The following COL14A1 variants were observed in gnomAD, a reference collection of about 807,000 sequenced individuals.
The protein encoded by COL14A1 is collagen type XIV alpha 1 chain, also known as collagen alpha-1(XIV) chain.
Under a neutral mutation model 230.3 loss-of-function variants are expected in COL14A1, and 136 were observed. The observed-to-expected ratio is 0.59, with a 90% CI of 0.51 to 0.68. The LOEUF (loss-of-function observed/expected upper bound fraction) is 0.68, where lower values mean the gene tolerates loss of function less well. COL14A1 is among the 30% of genes least tolerant of loss of function. COL14A1 has a pLI of 0.00. For synonymous variants in COL14A1, 792 were observed against 784.1 expected (o/e 1.01, Z -0.17); for missense variants, 1,976 against 2,215.8 (o/e 0.89, Z 2.17).
chr8:120,161,767 G>A (rs570479909), intron 3 of COL14A1, among the ~76,000 whole-genome samples: 45 of 152,150 alleles, frequency 3.0e-4, no homozygotes, highest in Admixed American at 2.4e-3. Context: ...GGGTTCAAAC[G>A]ATTGTCCTGC....
At chr8:120,314,408 A>G (rs1374982370) in intron 38 of COL14A1, among the ~76,000 whole-genome samples, 1 of 152,236 alleles carries the variant, frequency 6.6e-6, no homozygotes, top group Admixed American at 6.5e-5. Flanking sequence ...GCTGATATAA[A>G]TTAATAAAAG....
chr8:120,234,078 A>C (rs943288967), intron 19 of COL14A1, among the ~76,000 whole-genome samples: 1 of 150,462 alleles, frequency 6.6e-6, no homozygotes, highest in Non-Finnish European at 1.5e-5. Context: ...CCTTTGTAGC[A>C]ATTGTGAATA....
At chr8:120,255,716 T>C (rs1819125790) in intron 23 of COL14A1, among the ~76,000 whole-genome samples, 1 of 152,122 alleles carries the variant, frequency 6.6e-6, no homozygotes, top group Admixed American at 6.5e-5. Flanking sequence ...ACATTAAAAT[T>C]ATATTGTACT....
At chr8:120,194,887 T>A (rs1395429730) in intron 5 of COL14A1, among the ~76,000 whole-genome samples, 1 of 152,172 alleles carries the variant, frequency 6.6e-6, no homozygotes, top group Non-Finnish European at 1.5e-5. Context: ...CAAATTAATT[T>A]TTATCCCTTG....
At chr8:120,365,832 A>G (rs1456660571) in intron 45 of COL14A1, among the ~76,000 whole-genome samples, 1 of 152,182 alleles carries the variant, frequency 6.6e-6, no homozygotes, top group East Asian at 1.9e-4. Flanking sequence ...GGTGACATGC[A>G]ATAGGATTGG....
At chr8:120,288,727 G>A (rs1820284978) in intron 33 of COL14A1, among the ~76,000 whole-genome samples, 2 of 152,006 alleles carry the variant, frequency 1.3e-5, no homozygotes, top group Admixed American at 1.3e-4. Context: ...CTACCGTAAT[G>A]CCTTATCTTA....
At chr8:120,199,152 A>C (rs1563666992) in intron 7 of COL14A1, among the ~76,000 whole-genome samples, 1 of 152,182 alleles carries the variant, frequency 6.6e-6, no homozygotes, top group Non-Finnish European at 1.5e-5. Context: ...ATTGGCCATG[A>C]ATTCAGTGTT....
chr8:120,265,795 C>A (rs952088122), intron 24 of COL14A1, among the ~76,000 whole-genome samples: 1 of 151,800 alleles, frequency 6.6e-6, no homozygotes, highest in African/African-American at 2.4e-5. Context: ...AATGTTGAAT[C>A]CTTTTATTTA....
At chr8:120,191,947 G>A (rs1417020082) in intron 5 of COL14A1, among the ~76,000 whole-genome samples, 7 of 151,712 alleles carry the variant, frequency 4.6e-5, no homozygotes, top group Non-Finnish European at 1.0e-4. Context: ...GTCTCTGCAC[G>A]TGAGATGGGT....
rs10113564 is a variant in COL14A1, at chr8:120,199,831, A to G, written c.877+265A>G. Among the ~76,000 whole-genome samples the G allele has an allele frequency of 7.6e-4, 115 of 152,202 alleles. 1 individual carries two copies. The highest frequency in any genetic ancestry group is 2.6e-3 in the African/African-American group (110 of 41,518). On this transcript the variant is annotated intron_variant, in intron 8 of 47. Coordinates refer to ENST00000297848, the MANE Select transcript of COL14A1 (RefSeq NM_021110.4). ...AATGCTGTGAAAAGCATAAAGTGGC[A>G]TGCAAAGGTCAGGTACATGTTTGTT...
chr8:120,289,683 G>T lies in COL14A1; in HGVS notation c.4153G>T (p.Ala1385Ser). ...CKQVGEKAMN[A>S]SANITSDGVE... ...GCAAGTGGGTGAGAAGGCAATGAAC[G>T]CATCAGCTAATATCACGTCAGATGG... Residue 1385 changes from alanine to serine, a missense_variant, in exon 34 of 48, where the codon GCA becomes TCA. Ala to Ser is a moderately conservative substitution (Grantham distance 99). Coordinates refer to ENST00000297848, the MANE Select transcript of COL14A1 (RefSeq NM_021110.4). 6.2e-7 allele frequency: 1 copy of T among 1,614,042 alleles called. No homozygotes were observed. Among genetic ancestry groups the T allele is most frequent in the Non-Finnish European group, 8.5e-7 (1 of 1,179,920 alleles).
chr8:120,360,487 G>T (rs1488871268), intron 45 of COL14A1, among the ~76,000 whole-genome samples: 1 of 152,152 alleles, frequency 6.6e-6, no homozygotes, highest in East Asian at 1.9e-4. Context: ...CCCCAGGCAT[G>T]CTCTGTTGTC....
At chr8:120,195,433 T>A (rs746342536) in intron 5 of COL14A1, among the ~76,000 whole-genome samples, 59 of 152,064 alleles carry the variant, frequency 3.9e-4, no homozygotes, top group Non-Finnish European at 8.1e-4. Flanking sequence ...ACATGAAAAT[T>A]CAGCAAAGTT....
intron 47 of COL14A1, among the ~76,000 whole-genome samples, chr8:120,369,749 A>G (rs1440439800): frequency 6.6e-6 from 1 of 152,206 alleles, no homozygotes; most frequent in Non-Finnish European, 1.5e-5. Flanking sequence ...GATGACCTAC[A>G]TAGACTTGGC....
At position 120,188,170 on chromosome 8, in the gene COL14A1, C is replaced by A. The variant is rs552689686; in HGVS notation, c.437-8621C>A. ...CAATCTCAGCTCACTGCAACCTCCA[C>A]CTCCTGGGTTCAAGCAATTCTCCTG... On this transcript the variant is annotated intron_variant, in intron 5 of 47. Transcript: ENST00000297848. Among the ~76,000 whole-genome samples, 6 of 151,894 alleles carry A rather than the reference C, an allele frequency of 4.0e-5. No homozygotes were observed. In the East Asian group the frequency reaches 1.2e-3, roughly 29 times the overall value.
At chr8:120,242,086 G>C (rs1045671847) in intron 19 of COL14A1, among the ~76,000 whole-genome samples, 16 of 152,126 alleles carry the variant, frequency 1.1e-4, no homozygotes, top group Admixed American at 7.2e-4. Flanking sequence ...TGTATATAAA[G>C]TGTATATGAA....
At chr8:120,350,040 G>A (rs982419603) in intron 45 of COL14A1, among the ~76,000 whole-genome samples, 112 of 143,200 alleles carry the variant, frequency 7.8e-4, no homozygotes, top group African/African-American at 2.9e-3. Flanking sequence ...CGGATCTCTC[G>A]GCAGAAACCC....
chr8:120,131,824 T>C (rs972419384), intron 1 of COL14A1, among the ~76,000 whole-genome samples: 1 of 149,420 alleles, frequency 6.7e-6, no homozygotes, highest in Non-Finnish European at 1.5e-5. Context: ...GTTTTCTTCC[T>C]TTTTTCTTCC....
In COL14A1 at chr8:120,243,909, CT is replaced by C; in HGVS notation, c.2382del (p.Leu795Ter). On this transcript the variant is annotated frameshift_variant, in exon 20 of 48. Transcript: ENST00000297848. LOFTEE classifies it high-confidence loss of function. ...VMVPGSQNNL[L>X]LKPLLPDTEY... is the part of the protein sequence containing the mutation. ...GGTGCCTGGAAGCCAGAACAACCTCCTTCTGAAGCCTCTGCTTCCTGATACT... is the reference window on the plus strand; with the variant it reads ...GGTGCCTGGAAGCCAGAACAACCTCCTCTGAAGCCTCTGCTTCCTGATACT... 3 of 1,613,668 alleles carry C rather than the reference CT, an allele frequency of 1.9e-6. No homozygotes were observed. Among genetic ancestry groups the C allele is most frequent in the Non-Finnish European group, 1.7e-6 (2 of 1,179,678 alleles).
Sources: gnomAD v4.1 joint callset for allele counts (sites outside exome capture counted in the v4.1 genomes callset) on GRCh38, gnomAD v4.1.1 for gene constraint, MANE v1.5 for transcripts, NCBI Gene and HGNC (gene_info 2026-07-23, HGNC 2026-07-21) for gene names.